The following ADAMTS19 variants were observed in gnomAD, a reference collection of about 807,000 sequenced individuals.
ADAMTS19 encodes A disintegrin and metalloproteinase with thrombospondin motifs 19.
A neutral mutation model predicts 153.3 loss-of-function variants in ADAMTS19; 93 were observed. The ratio of observed to expected loss-of-function variants is 0.61; its 90% CI spans 0.51 to 0.72. ADAMTS19 has a LOEUF of 0.72. Ranked by LOEUF, ADAMTS19 falls within the 30% of genes least tolerant of loss-of-function variation. The pLI, the probability that ADAMTS19 is intolerant of heterozygous loss-of-function variation, is 0.00. For synonymous variants in ADAMTS19, 600 were observed against 556.6 expected, an observed-to-expected ratio of 1.08 and a Z score of -1.10; for missense variants, 1,482 against 1,552.1, an observed-to-expected ratio of 0.95 and a Z score of 0.76.
At chr5:129,686,733 G>A (rs185091983) in intron 18 of ADAMTS19, among the ~76,000 whole-genome samples, 4 of 152,258 alleles carry the variant, frequency 2.6e-5, no homozygotes, top group Admixed American at 1.3e-4. Flanking sequence ...GACTCCAGGA[G>A]CATCTTTGCC....
intron 10 of ADAMTS19, among the ~76,000 whole-genome samples, chr5:129,628,674 A>G (rs1351818434): frequency 6.6e-6 from 1 of 152,094 alleles, no homozygotes; most frequent in Admixed American, 6.6e-5. Flanking sequence ...CTATGTAATG[A>G]CATTTCAGTC....
intron 17 of ADAMTS19, among the ~76,000 whole-genome samples, chr5:129,680,761 C>CA (rs529460608): frequency 0.02 from 1,789 of 90,246 alleles, 41 homozygotes; most frequent in African/African-American, 0.043. Context: ...GACTCTGTCT[C>CA]AAAAAAAAAA....
At chr5:129,733,162 G>A (rs1757513673) in intron 21 of ADAMTS19, among the ~76,000 whole-genome samples, 1 of 151,942 alleles carries the variant, frequency 6.6e-6, no homozygotes, top group Non-Finnish European at 1.5e-5. Flanking sequence ...ATTTACTCAA[G>A]GTGGATTAAA....
intron 2 of ADAMTS19, among the ~76,000 whole-genome samples, chr5:129,484,770 A>C (rs556288628): frequency 2.0e-5 from 3 of 152,072 alleles, no homozygotes; most frequent in Non-Finnish European, 4.4e-5. Flanking sequence ...GGTCATAGCT[A>C]TCAGTAAGAT....
rs181980324 is a variant in ADAMTS19 at position 129,541,752 on chromosome 5, G to A, written c.1329-10112G>A. On this transcript the variant is annotated intron_variant, in intron 6 of 22. Coordinates refer to ENST00000274487, the MANE Select transcript of ADAMTS19 (RefSeq NM_133638.6). Reference sequence around the variant, plus strand: ...ATTTAGTACATGGCATATTAGAGACGCTTAATGTATCCCACAATATTCAGT... The same window carrying A: ...ATTTAGTACATGGCATATTAGAGACACTTAATGTATCCCACAATATTCAGT... 3.2e-3 allele frequency among the ~76,000 whole-genome samples: 484 copies of A among 151,932 alleles called. 3 individuals are homozygous for A. Among genetic ancestry groups the A allele is most frequent in the Admixed American group, 6.4e-3 (98 of 15,218 alleles).
intron 8 of ADAMTS19, among the ~76,000 whole-genome samples, chr5:129,602,707 ATTT>A (rs1750718998): frequency 6.6e-6 from 1 of 151,976 alleles, no homozygotes; most frequent in Admixed American, 6.6e-5. Context: ...TAACTTGTAG[ATTT>A]TTTTAATTGT....
chr5:129,734,441 A>T (rs73785268), intron 21 of ADAMTS19, among the ~76,000 whole-genome samples: 2,985 of 152,186 alleles, frequency 0.02, 92 homozygotes, highest in African/African-American at 0.067. Context: ...ATCTTGATAT[A>T]ATTTATAAAC....
chr5:129,662,887 CA>C (rs1451123334), intron 15 of ADAMTS19, among the ~76,000 whole-genome samples: 10 of 125,426 alleles, frequency 8.0e-5, no homozygotes, highest in African/African-American at 1.8e-4. Context: ...GATTCTTCTT[CA>C]TTTTTTTTTT....
intron 8 of ADAMTS19, among the ~76,000 whole-genome samples, chr5:129,618,977 T>G (rs749838867): frequency 6.6e-6 from 1 of 152,038 alleles, no homozygotes; most frequent in African/African-American, 2.4e-5. Context: ...GAACCAAAAG[T>G]AAAAATTTAT....
At chr5:129,534,354 C>T (rs554031716) in intron 6 of ADAMTS19, among the ~76,000 whole-genome samples, 2 of 152,252 alleles carry the variant, frequency 1.3e-5, no homozygotes, top group Non-Finnish European at 2.9e-5. Flanking sequence ...GACGCATACA[C>T]TCTCCCAAGA....
At chr5:129,572,201 T>A (rs1753935352) in intron 7 of ADAMTS19, among the ~76,000 whole-genome samples, 2 of 151,876 alleles carry the variant, frequency 1.3e-5, no homozygotes, top group Admixed American at 1.3e-4. Flanking sequence ...AAAATACAAG[T>A]AATAGCCCTG....
At chr5:129,626,918 G>C (rs1032585085) in intron 10 of ADAMTS19, among the ~76,000 whole-genome samples, 1 of 152,086 alleles carries the variant, frequency 6.6e-6, no homozygotes, top group Non-Finnish European at 1.5e-5. Flanking sequence ...TTCTTATAAG[G>C]TGACCTGGGA....
intron 19 of ADAMTS19, among the ~76,000 whole-genome samples, chr5:129,701,182 A>G (rs1755827945): frequency 6.6e-6 from 1 of 150,834 alleles, no homozygotes; most frequent in African/African-American, 2.4e-5. Context: ...GCCTCCTGCC[A>G]TACGAGATGT....
At chr5:129,516,742 C>T (rs970829585) in intron 3 of ADAMTS19, among the ~76,000 whole-genome samples, 2 of 146,414 alleles carry the variant, frequency 1.4e-5, no homozygotes, top group African/African-American at 5.3e-5. Flanking sequence ...TCAAATAAAG[C>T]AACCTTCTGT....
intron 18 of ADAMTS19, among the ~76,000 whole-genome samples, chr5:129,694,210 C>G (rs116319891): frequency 0.014 from 2,079 of 152,268 alleles, 22 homozygotes; most frequent in South Asian, 0.026. Flanking sequence ...ATATTTATTA[C>G]TCATCCCTTT....
intron 13 of ADAMTS19, among the ~76,000 whole-genome samples, chr5:129,651,695 A>G (rs753371904): frequency 6.6e-6 from 1 of 152,138 alleles, no homozygotes; most frequent in Non-Finnish European, 1.5e-5. Flanking sequence ...TGATCCTCCA[A>G]ATTATGTGTC....
Position 129,486,830 on chromosome 5 carries a change from A to G in ADAMTS19, c.748-22247A>G, listed in dbSNP as rs541070768. Among the ~76,000 whole-genome samples the G allele has an allele frequency of 4.6e-5, 7 of 152,316 alleles. No homozygotes were observed. In the South Asian group the frequency reaches 1.5e-3, roughly 32 times the overall value. ...TAAGAAAAGAAGTAAAATTGTGCTT[A>G]TTTGCAGACAACATGATCATGTACA... On this transcript the variant is annotated intron_variant, in intron 2 of 22. Coordinates refer to ENST00000274487, the MANE Select transcript of ADAMTS19 (RefSeq NM_133638.6).
intron 2 of ADAMTS19, among the ~76,000 whole-genome samples, chr5:129,467,122 T>A (rs1749891836): frequency 6.6e-6 from 1 of 152,204 alleles, no homozygotes; most frequent in African/African-American, 2.4e-5. Flanking sequence ...TACCTACCTG[T>A]GTTCAGACAA....
Position 129,563,948 on chromosome 5 carries a change from A to G in ADAMTS19, c.1372+12041A>G, listed in dbSNP as rs6882050. On this transcript the variant is annotated intron_variant, in intron 7 of 22. Coordinates refer to ENST00000274487, the MANE Select transcript of ADAMTS19 (RefSeq NM_133638.6). ...AAACTTTTTTTTTTTGACACGTAGT[A>G]TCTCTTTGTCACCGAGGCTGGAGTG... 1.5e-4 allele frequency among the ~76,000 whole-genome samples: 23 copies of G among 151,304 alleles called. 1 individual carries two copies. Among genetic ancestry groups the G allele is most frequent in the Non-Finnish European group, 2.7e-4 (18 of 67,820 alleles).
Sources: allele counts gnomAD v4.1 joint callset (sites outside exome capture counted in the v4.1 genomes callset), GRCh38; gene constraint gnomAD v4.1.1; transcripts MANE v1.5; gene names NCBI Gene and HGNC (gene_info 2026-07-23, HGNC 2026-07-21).